NR3C2: variants seen among roughly 807,000 people sequenced by gnomAD.
The protein encoded by NR3C2 is nuclear receptor subfamily 3 group C member 2.
In NR3C2, 15 loss-of-function variants were observed where a neutral mutation model predicts 86.4. The observed-to-expected ratio is 0.17, with a 90% CI of 0.12 to 0.27. The LOEUF (loss-of-function observed/expected upper bound fraction) is 0.27, where lower values mean the gene tolerates loss of function less well. Ranked by LOEUF, NR3C2 falls within the 10% of genes least tolerant of loss-of-function variation. The pLI is 1.00. For synonymous variants in NR3C2, 458 were observed against 450.5 expected (o/e 1.02, Z -0.21); for missense variants, 960 against 1,195.6 (o/e 0.80, Z 2.91).
intron 2 of NR3C2, among the ~76,000 whole-genome samples, chr4:148,380,782 A>G (rs767052976): frequency 6.6e-6 from 1 of 152,156 alleles, no homozygotes; most frequent in Non-Finnish European, 1.5e-5. Context: ...AACAATGATG[A>G]GTTTTTAAAA....
intron 3 of NR3C2, among the ~76,000 whole-genome samples, chr4:148,200,355 C>G (rs897660869): frequency 2.0e-5 from 3 of 151,982 alleles, no homozygotes; most frequent in South Asian, 2.1e-4. Flanking sequence ...CCCCACCCCC[C>G]ACACAGCCCC....
intron 2 of NR3C2, among the ~76,000 whole-genome samples, chr4:148,360,042 T>C (rs1218780776): frequency 1.3e-5 from 2 of 152,132 alleles, no homozygotes; most frequent in African/African-American, 4.8e-5. Context: ...GTGAAAGGAA[T>C]TTCTTAGTAA....
chr4:148,080,244 A>G lies in NR3C2; in HGVS notation c.*1100T>C, dbSNP rs1198734519. 2.0e-5 allele frequency: 3 copies of G among 152,652 alleles called. No individual in the cohort carries two copies. The East Asian group carries it at 5.8e-4, about 29-fold the overall frequency. 9.5% of individuals were successfully genotyped at this position (152,652 alleles called of 1,614,324 possible). ...CCAGAAAACGTGCTGGAGTCCCACA[A>G]ATGCCCCAAGCGGGAGACCAAGAAC... On this transcript the variant is annotated 3_prime_UTR_variant, in exon 9 of 9. Coordinates refer to ENST00000358102, the MANE Select transcript of NR3C2 (RefSeq NM_000901.5).
At chr4:148,127,770 T>C (rs1427963345) in intron 6 of NR3C2, among the ~76,000 whole-genome samples, 2 of 152,220 alleles carry the variant, frequency 1.3e-5, no homozygotes, top group Non-Finnish European at 1.5e-5. Flanking sequence ...ATAATAGTTC[T>C]AAAATATTTT....
At chr4:148,159,769 T>C (rs1734571069) in intron 4 of NR3C2, among the ~76,000 whole-genome samples, 1 of 152,254 alleles carries the variant, frequency 6.6e-6, no homozygotes, top group South Asian at 2.1e-4. Flanking sequence ...ATTAAGATGT[T>C]TGCTAATTAC....
chr4:148,400,426 A>G, intron 2 of NR3C2, among the ~76,000 whole-genome samples: 1 of 152,206 alleles, frequency 6.6e-6, no homozygotes, highest in African/African-American at 2.4e-5. Context: ...CCAATCCATA[A>G]GAGAGTAAGA....
At chr4:148,334,868 C>T (rs183569561) in intron 2 of NR3C2, among the ~76,000 whole-genome samples, 1 of 152,236 alleles carries the variant, frequency 6.6e-6, no homozygotes, top group East Asian at 1.9e-4. Context: ...GGGGGAGAAT[C>T]TGCCCCCTGC....
At chr4:148,110,663 TTC>T (rs1158110977) in intron 8 of NR3C2, among the ~76,000 whole-genome samples, 1 of 152,208 alleles carries the variant, frequency 6.6e-6, no homozygotes, top group Non-Finnish European at 1.5e-5. Context: ...TTCAAGATGC[TTC>T]TGTCAGGCCC....
intron 2 of NR3C2, among the ~76,000 whole-genome samples, chr4:148,310,630 G>A (rs1315791967): frequency 6.6e-6 from 1 of 152,118 alleles, no homozygotes; most frequent in African/African-American, 2.4e-5. Context: ...TCTAACTAAT[G>A]TCGACTCTTC....
At chr4:148,152,015 G>A (rs1363164182) in intron 6 of NR3C2, among the ~76,000 whole-genome samples, 4 of 152,134 alleles carry the variant, frequency 2.6e-5, no homozygotes, top group African/African-American at 7.2e-5. Flanking sequence ...GGGTAATTAC[G>A]ATTGTCATGA....
intron 1 of NR3C2, among the ~76,000 whole-genome samples, chr4:148,437,542 A>G (rs867975294): frequency 6.6e-6 from 1 of 152,216 alleles, no homozygotes; most frequent in South Asian, 2.1e-4. Flanking sequence ...AAGATGGTCC[A>G]TATCTCAGAA....
At chr4:148,404,282 A>AT (rs973957761) in intron 2 of NR3C2, among the ~76,000 whole-genome samples, 17 of 152,130 alleles carry the variant, frequency 1.1e-4, no homozygotes, top group African/African-American at 2.7e-4. Context: ...ATTAGATAAT[A>AT]TTTTTTGTTA....
At chr4:148,317,761 C>T (rs13108130) in intron 2 of NR3C2, among the ~76,000 whole-genome samples, 105,598 of 151,480 alleles carry the variant, frequency 0.7, 37,255 homozygotes, top group East Asian at 0.84. Flanking sequence ...AATAGATCTG[C>T]AGAAAAAGCT....
intron 3 of NR3C2, among the ~76,000 whole-genome samples, chr4:148,214,624 A>G (rs1425115483): frequency 1.3e-5 from 2 of 152,132 alleles, no homozygotes; most frequent in Non-Finnish European, 2.9e-5. Flanking sequence ...TGTGGGATCC[A>G]GCATCTTGCC....
chr4:148,188,661 G>A (rs1008823128), intron 4 of NR3C2, among the ~76,000 whole-genome samples: 2 of 151,964 alleles, frequency 1.3e-5, no homozygotes, highest in Non-Finnish European at 2.9e-5. Flanking sequence ...CAAGGTCAAC[G>A]ATCATATCAT....
At chr4:148,393,212 G>C (rs540404841) in intron 2 of NR3C2, among the ~76,000 whole-genome samples, 2 of 152,288 alleles carry the variant, frequency 1.3e-5, no homozygotes, top group Non-Finnish European at 2.9e-5. Flanking sequence ...GAACGCACCT[G>C]ACATTTTTTA....
chr4:148,290,264 T>C (rs1741736270), intron 2 of NR3C2, among the ~76,000 whole-genome samples: 1 of 152,178 alleles, frequency 6.6e-6, no homozygotes, highest in African/African-American at 2.4e-5. Flanking sequence ...GGGTTCAGCC[T>C]AACAGCTTCA....
chr4:148,383,934 C>A (rs61763856), intron 2 of NR3C2, among the ~76,000 whole-genome samples: 39 of 135,036 alleles, frequency 2.9e-4, no homozygotes, highest in Non-Finnish European at 5.0e-4. Context: ...CAGGGCACAG[C>A]GAGACTCTGT....
chr4:148,125,332 G>T (rs1307438909), intron 6 of NR3C2, among the ~76,000 whole-genome samples: 1 of 152,164 alleles, frequency 6.6e-6, no homozygotes, highest in Non-Finnish European at 1.5e-5. Flanking sequence ...CTTGTTAGTA[G>T]ACAGCGAAAT....
Sources: allele counts gnomAD v4.1 joint callset (sites outside exome capture counted in the v4.1 genomes callset), GRCh38; gene constraint gnomAD v4.1.1; transcripts MANE v1.5; gene names NCBI Gene and HGNC (gene_info 2026-07-23, HGNC 2026-07-21).